Variants in PCNX2 observed in about 807,000 individuals in gnomAD.
PCNX2 encodes pecanex-like protein 2.
A neutral mutation model predicts 223.8 loss-of-function variants in PCNX2; 168 were observed. That is an observed-to-expected ratio of 0.75 (90% CI 0.66 to 0.85). The LOEUF (loss-of-function observed/expected upper bound fraction) is 0.85. Among genes scored for constraint, PCNX2 ranks in the 40% least tolerant of loss-of-function variants. PCNX2 has a pLI of 0.00. For missense variants in PCNX2, 2,507 were observed against 2,675.5 expected (o/e 0.94, Z 1.39); for synonymous variants, 1,006 against 1,052.6 (o/e 0.96, Z 0.86).
chr1:233,165,302 T>TGGTTAA (rs1338699286), intron 17 of PCNX2, among the ~76,000 whole-genome samples: 1 of 152,214 alleles, frequency 6.6e-6, no homozygotes, highest in Non-Finnish European at 1.5e-5. Context: ...TGCTAGTGAA[T>TGGTTAA]ATATGCCTCC....
At chr1:233,211,857 G>A (rs75682197) in intron 12 of PCNX2, 18,261 of 974,246 alleles carry the variant, frequency 0.019, 209 homozygotes, top group South Asian at 0.042. Flanking sequence ...ATCCATGATA[G>A]TCTTAGGGTG....
intron 23 of PCNX2, among the ~76,000 whole-genome samples, chr1:233,076,321 A>G (rs1673094587): frequency 6.6e-6 from 1 of 152,282 alleles, no homozygotes; most frequent in Non-Finnish European, 1.5e-5. Flanking sequence ...ATCAAGATGA[A>G]CCGGGCTTTT....
Position 233,054,252 on chromosome 1 carries a change from A to G in PCNX2, c.4351+16T>C, listed in dbSNP as rs940441301. 2 of 1,607,398 alleles carry G rather than the reference A, an allele frequency of 1.2e-6. No individual in the cohort carries two copies. The highest frequency in any genetic ancestry group is 1.7e-4 in the Middle Eastern group (1 of 6,048). ...CAACCAACTTTCAACAGTTTCTACA[A>G]TGAAGAAATTCTTACCTCGGAATTC... is the stretch of plus-strand genomic sequence containing the variant. On this transcript the variant is annotated intron_variant, in intron 25 of 33. Coordinates refer to ENST00000258229, the MANE Select transcript of PCNX2 (RefSeq NM_014801.4).
At chr1:233,289,334 A>G in intron 1 of PCNX2, 1 of 1,069,584 alleles carries the variant, frequency 9.3e-7, no homozygotes, top group Non-Finnish European at 1.5e-6. Context: ...CCCTGAGCTG[A>G]GCCTTGAGGT....
chr1:233,142,711 T>A (rs568433334), intron 19 of PCNX2, among the ~76,000 whole-genome samples: 2 of 152,178 alleles, frequency 1.3e-5, no homozygotes, highest in Admixed American at 6.5e-5. Context: ...TGCCCTGACA[T>A]GCATGTGGCA....
intron 21 of PCNX2, among the ~76,000 whole-genome samples, chr1:233,133,368 C>G (rs1038722745): frequency 6.6e-6 from 1 of 152,082 alleles, no homozygotes; most frequent in African/African-American, 2.4e-5. Flanking sequence ...GTGATTTGAA[C>G]AGTAGAAAAA....
intron 28 of PCNX2, among the ~76,000 whole-genome samples, chr1:233,012,524 G>A (rs1442984006): frequency 6.6e-6 from 1 of 152,084 alleles, no homozygotes; most frequent in Non-Finnish European, 1.5e-5. Flanking sequence ...ATAGTCAAGT[G>A]TTTCCCTAGA....
At chr1:233,024,930 T>C (rs1299052556) in intron 26 of PCNX2, among the ~76,000 whole-genome samples, 3 of 152,150 alleles carry the variant, frequency 2.0e-5, no homozygotes, top group Non-Finnish European at 4.4e-5. Context: ...TGCTTATTGG[T>C]GCCTAAGCTT....
At chr1:233,309,527 T>G in the PCNX2 span, among the ~76,000 whole-genome samples, 2 of 143,958 alleles carry the variant, frequency 1.4e-5, no homozygotes, top group Non-Finnish European at 1.5e-5. Context: ...GGCAACAGAG[T>G]GAGACTCCCT....
intron 12 of PCNX2, among the ~76,000 whole-genome samples, chr1:233,217,495 A>G (rs907413413): frequency 5.3e-5 from 8 of 152,188 alleles, no homozygotes; most frequent in Non-Finnish European, 8.8e-5. Context: ...ACCTATTTAC[A>G]CATAGGGAAA....
chr1:233,200,047 C>T (rs1322724685), intron 14 of PCNX2, 107 bp downstream of exon 14: 2 of 899,952 alleles, frequency 2.2e-6, no homozygotes, highest in Non-Finnish European at 1.6e-6. Flanking sequence ...TTTAAATGCT[C>T]AGGACAAAGA....
chr1:233,149,709 T>C (rs1358335484), intron 19 of PCNX2, among the ~76,000 whole-genome samples: 1 of 152,124 alleles, frequency 6.6e-6, no homozygotes, highest in Non-Finnish European at 1.5e-5. Context: ...ACAAAACCAG[T>C]AGAATGAATG....
chr1:233,023,501 T>G (rs1670972704), intron 26 of PCNX2, among the ~76,000 whole-genome samples: 1 of 152,192 alleles, frequency 6.6e-6, no homozygotes, highest in African/African-American at 2.4e-5. Flanking sequence ...ATTGTGGAAC[T>G]CAAATTTTGG....
At chr1:233,285,628 T>C (rs1161686851) in intron 1 of PCNX2, among the ~76,000 whole-genome samples, 2 of 152,126 alleles carry the variant, frequency 1.3e-5, no homozygotes, top group Non-Finnish European at 2.9e-5. Flanking sequence ...CGACCTGAGA[T>C]CGTGCCACTG....
chr1:233,283,317 G>A lies in PCNX2; in HGVS notation c.153+12009C>T, dbSNP rs576203056. Among the ~76,000 whole-genome samples, 10 of 152,260 alleles carry A rather than the reference G, an allele frequency of 6.6e-5. No individual in the cohort carries two copies. The South Asian group carries it at 1.7e-3, about 25-fold the overall frequency. ...AATCTTTTAGCTGTGTCTACTGAAA[G>A]GGGCTAGAGGCAAAGACAACTAGTA... On this transcript the variant is annotated intron_variant, in intron 1 of 33. Coordinates refer to ENST00000258229, the MANE Select transcript of PCNX2 (RefSeq NM_014801.4).
chr1:233,019,804 G>A (rs1670815371), intron 26 of PCNX2, among the ~76,000 whole-genome samples: 1 of 152,126 alleles, frequency 6.6e-6, no homozygotes, highest in African/African-American at 2.4e-5. Flanking sequence ...TAGAAACTTT[G>A]AATCTGGAGG....
intron 5 of PCNX2, among the ~76,000 whole-genome samples, chr1:233,257,630 G>T (rs1659806117): frequency 6.6e-6 from 1 of 152,192 alleles, no homozygotes; most frequent in Non-Finnish European, 1.5e-5. Flanking sequence ...AACTCAGCAG[G>T]AAAAGTAGAT....
intron 32 of PCNX2, among the ~76,000 whole-genome samples, chr1:232,997,349 C>A (rs1228781645): frequency 6.6e-6 from 1 of 152,212 alleles, no homozygotes; most frequent in African/African-American, 2.4e-5. Context: ...TGTCTCTGTT[C>A]AATCCTCTGC....
At chr1:233,147,301 A>G (rs1677516189) in intron 19 of PCNX2, among the ~76,000 whole-genome samples, 1 of 152,232 alleles carries the variant, frequency 6.6e-6, no homozygotes. Context: ...TTTATCTGTT[A>G]TATGTATTAT....
Sources: allele counts gnomAD v4.1 joint callset (sites outside exome capture counted in the v4.1 genomes callset), GRCh38; gene constraint gnomAD v4.1.1; transcripts MANE v1.5; gene names NCBI Gene and HGNC (gene_info 2026-07-23, HGNC 2026-07-21).